Variants in RELN observed in about 807,000 individuals in gnomAD.
The protein encoded by RELN is reelin.
In RELN, 108 loss-of-function variants were observed where a neutral mutation model predicts 427.6. The ratio of observed to expected loss-of-function variants is 0.25; its 90% confidence interval spans 0.22 to 0.30. RELN has a LOEUF of 0.30. Among genes scored for constraint, RELN ranks in the 10% least tolerant of loss-of-function variants. The pLI is 1.00. For missense variants in RELN, 3,715 were observed against 4,302.8 expected, an observed-to-expected ratio of 0.86 and a Z score of 3.82; for synonymous variants, 1,524 against 1,513.4, an observed-to-expected ratio of 1.01 and a Z score of -0.16.
intron 1 of RELN, among the ~76,000 whole-genome samples, chr7:103,949,611 T>G (rs1796295930): frequency 6.6e-6 from 1 of 151,058 alleles, no homozygotes; most frequent in Non-Finnish European, 1.5e-5. Context: ...TCCAGAACTG[T>G]GAGAAATAAA....
chr7:103,474,451 T>C (rs1196455317), intron 64 of RELN, among the ~76,000 whole-genome samples: 1 of 152,122 alleles, frequency 6.6e-6, no homozygotes, highest in Non-Finnish European at 1.5e-5. Context: ...GTTTTGTCTT[T>C]AGGCAGATTT....
intron 28 of RELN, 59 bp downstream of exon 28, chr7:103,589,537 T>C (rs972663920): frequency 2.8e-6 from 3 of 1,084,282 alleles, no homozygotes; most frequent in East Asian, 2.4e-5. Flanking sequence ...TTTAGGGTTA[T>C]AGCATTTGGG....
At chr7:103,741,642 G>A (rs1285179466) in intron 6 of RELN, among the ~76,000 whole-genome samples, 4 of 124,784 alleles carry the variant, frequency 3.2e-5, no homozygotes. Flanking sequence ...GAACGGGAGA[G>A]GAAGAGATGA....
rs902244667 is a variant in RELN, at chr7:103,626,964, G to A, written c.2702+2976C>T. ...CCACTGGAAAAAAGTGCTCTAGGATGACATACTGGAAAGTGATTTGTAGCA... is the reference window on the plus strand; with the variant it reads ...CCACTGGAAAAAAGTGCTCTAGGATAACATACTGGAAAGTGATTTGTAGCA... On this transcript the variant is annotated intron_variant, in intron 20 of 64. Coordinates refer to ENST00000428762, the MANE Select transcript of RELN (RefSeq NM_005045.4). This position sits in a 1 kb window ranked among gnomAD's most constrained non-coding sequence, Gnocchi z 4.4. Among the ~76,000 whole-genome samples, 40 of 152,044 alleles carry A rather than the reference G, an allele frequency of 2.6e-4. No homozygotes were observed. The highest frequency in any genetic ancestry group is 8.4e-4 in the African/African-American group (35 of 41,436).
At chr7:103,635,312 T>C in intron 19 of RELN, 113 bp downstream of exon 19, 2 of 1,144,964 alleles carry the variant, frequency 1.7e-6, no homozygotes, top group Non-Finnish European at 2.5e-6. Flanking sequence ...TCAATCTTTG[T>C]GCGCTCCATC....
chr7:103,490,622 G>A, intron 59 of RELN, 46 bp downstream of exon 59: 1 of 1,597,556 alleles, frequency 6.3e-7, no homozygotes. Context: ...GAACTCTGTA[G>A]AGAGGCCAGA....
rs576860276 is a variant in RELN, at chr7:103,778,821, C to T, written c.474-2194G>A. 5.3e-4 allele frequency among the ~76,000 whole-genome samples: 81 copies of T among 152,344 alleles called. 1 individual carries two copies. Among genetic ancestry groups the T allele is most frequent in the Non-Finnish European group, 6.8e-4 (46 of 68,024 alleles). ...GGTCAAAACGACTTTAGCAGTGGTACTCATTCTTCAAACAAATATGGAATT... is the reference window on the plus strand; with the variant it reads ...GGTCAAAACGACTTTAGCAGTGGTATTCATTCTTCAAACAAATATGGAATT... On this transcript the variant is annotated intron_variant, in intron 3 of 64. Coordinates refer to ENST00000428762, the MANE Select transcript of RELN (RefSeq NM_005045.4).
At chr7:103,986,341 A>T (rs974183902) in intron 1 of RELN, among the ~76,000 whole-genome samples, 7 of 152,218 alleles carry the variant, frequency 4.6e-5, no homozygotes, top group African/African-American at 1.7e-4. Flanking sequence ...TATACTACTT[A>T]ATGTAAAAAT....
rs561968457 is a variant in RELN at position 103,863,182 on chromosome 7, T to C, written c.338-29510A>G. ...CTCTGATAAAAAGAGGTGGATCATT[T>C]TGAGTGAAGGTGTCAAGATGCTTAT... On this transcript the variant is annotated intron_variant, in intron 2 of 64. Transcript: ENST00000428762. Among the ~76,000 whole-genome samples the C allele has an allele frequency of 4.6e-5, 7 of 152,218 alleles. No homozygotes were observed. The South Asian group carries it at 1.5e-3, about 32-fold the overall frequency.
chr7:103,851,000 A>G (rs1793807403), intron 2 of RELN, among the ~76,000 whole-genome samples: 1 of 152,216 alleles, frequency 6.6e-6, no homozygotes, highest in Admixed American at 6.5e-5. Context: ...TACCAGAGGA[A>G]AAGAAGTCAT....
chr7:103,613,398 G>T (rs1302866316), intron 20 of RELN, among the ~76,000 whole-genome samples: 3 of 152,166 alleles, frequency 2.0e-5, no homozygotes, highest in Non-Finnish European at 4.4e-5. Flanking sequence ...ATAAAACCAT[G>T]ATTGCTGTTA....
intron 10 of RELN, among the ~76,000 whole-genome samples, chr7:103,689,980 G>C (rs1167027619): frequency 6.6e-6 from 1 of 152,082 alleles, no homozygotes; most frequent in Non-Finnish European, 1.5e-5. Flanking sequence ...GAGGAAAACT[G>C]AACATTGAGC....
intron 46 of RELN, among the ~76,000 whole-genome samples, chr7:103,523,881 T>C (rs556495745): frequency 2.0e-5 from 3 of 152,238 alleles, no homozygotes; most frequent in South Asian, 2.1e-4. Flanking sequence ...TTCACCATGT[T>C]GGCCAGGCTG....
At chr7:103,864,324 T>G (rs1289593978) in intron 2 of RELN, among the ~76,000 whole-genome samples, 2 of 152,142 alleles carry the variant, frequency 1.3e-5, no homozygotes, top group African/African-American at 2.4e-5. Flanking sequence ...TCCACCCTCT[T>G]TAACAAAATT....
At chr7:103,674,892 T>A (rs919334547) in intron 11 of RELN, among the ~76,000 whole-genome samples, 4 of 152,118 alleles carry the variant, frequency 2.6e-5, no homozygotes, top group Admixed American at 2.6e-4. Flanking sequence ...TATCTCAAAA[T>A]AATAAGATCT....
chr7:103,887,565 G>T (rs1288670542), intron 2 of RELN, among the ~76,000 whole-genome samples: 1 of 152,164 alleles, frequency 6.6e-6, no homozygotes, highest in Non-Finnish European at 1.5e-5. Context: ...AAATGAGGTG[G>T]GGGTGTAACA....
intron 6 of RELN, among the ~76,000 whole-genome samples, chr7:103,733,901 T>C (rs912866062): frequency 4.7e-5 from 7 of 150,290 alleles, no homozygotes; most frequent in Admixed American, 1.3e-4. Flanking sequence ...GTAACTAACC[T>C]GCACAATGTG....
At chr7:103,774,966 G>T (rs1210494656) in intron 4 of RELN, among the ~76,000 whole-genome samples, 1 of 152,008 alleles carries the variant, frequency 6.6e-6, no homozygotes, top group African/African-American at 2.4e-5. Context: ...CACTGGTTGA[G>T]AATTTTTTCC....
intron 1 of RELN, among the ~76,000 whole-genome samples, chr7:103,949,480 A>G (rs138286655): frequency 0.013 from 2,020 of 152,238 alleles, 51 homozygotes; most frequent in African/African-American, 0.046. Flanking sequence ...CACGAACGCG[A>G]TTAGTGCTCT....
Sources: allele counts gnomAD v4.1 joint callset (sites outside exome capture counted in the v4.1 genomes callset), GRCh38; gene constraint gnomAD v4.1.1; non-coding constraint Gnocchi (gnomAD v3.1); transcripts MANE v1.5; gene names NCBI Gene and HGNC (gene_info 2026-07-23, HGNC 2026-07-21).